The following HS6ST3 variants were observed in gnomAD, a reference collection of about 807,000 sequenced individuals.
HS6ST3 encodes the protein heparan sulfate 6-O-sulfotransferase 3.
HS6ST3 carries 12 observed loss-of-function variants against 36.7 expected under a neutral mutation model. The ratio of observed to expected loss-of-function variants is 0.33; its 90% confidence interval spans 0.21 to 0.53. The LOEUF (loss-of-function observed/expected upper bound fraction) is 0.53. Among genes scored for constraint, HS6ST3 ranks in the 20% least tolerant of loss-of-function variants. The probability of loss-of-function intolerance (pLI) is 0.95; values close to 1 mark genes in which losing one functional copy is unlikely to be tolerated. For synonymous variants in HS6ST3, 240 were observed against 257.5 expected (o/e 0.93, Z 0.65); for missense variants, 584 against 640.9 (o/e 0.91, Z 0.96).
At chr13:96,389,628 C>G (rs1009838600) in intron 1 of HS6ST3, among the ~76,000 whole-genome samples, 1 of 152,036 alleles carries the variant, frequency 6.6e-6, no homozygotes, top group Non-Finnish European at 1.5e-5. Flanking sequence ...TCTCCTCTAC[C>G]AAAAGGCACT....
At chr13:96,719,288 CA>C in intron 1 of HS6ST3, among the ~76,000 whole-genome samples, 1 of 150,452 alleles carries the variant, frequency 6.6e-6, no homozygotes, top group South Asian at 2.1e-4. Context: ...AAAAAAAAAC[CA>C]AAAAAAGAAT....
At chr13:96,703,602 C>G (rs1200754681) in intron 1 of HS6ST3, among the ~76,000 whole-genome samples, 1 of 151,924 alleles carries the variant, frequency 6.6e-6, no homozygotes, top group Non-Finnish European at 1.5e-5. Flanking sequence ...TACAATTGCT[C>G]CATTATGTTC....
At chr13:96,503,519 G>T (rs1175373843) in intron 1 of HS6ST3, among the ~76,000 whole-genome samples, 1 of 152,152 alleles carries the variant, frequency 6.6e-6, no homozygotes, top group Non-Finnish European at 1.5e-5. Context: ...AACAGCTCTT[G>T]GAGGCAGTGG....
intron 1 of HS6ST3, among the ~76,000 whole-genome samples, chr13:96,110,536 A>G (rs1566884207): frequency 6.7e-6 from 1 of 150,362 alleles, no homozygotes; most frequent in African/African-American, 2.5e-5. Flanking sequence ...TCCCAGGTTC[A>G]CACCATTCTC....
At chr13:96,485,390 C>T (rs985711357) in intron 1 of HS6ST3, among the ~76,000 whole-genome samples, 2 of 151,972 alleles carry the variant, frequency 1.3e-5, no homozygotes, top group African/African-American at 4.8e-5. Flanking sequence ...CCACTTGTTC[C>T]ATGCTGGTGT....
At chr13:96,566,846 A>G (rs1487359368) in intron 1 of HS6ST3, among the ~76,000 whole-genome samples, 1 of 152,210 alleles carries the variant, frequency 6.6e-6, no homozygotes, top group East Asian at 1.9e-4. Context: ...AAAAAATAAC[A>G]TTATAAACAT....
intron 1 of HS6ST3, among the ~76,000 whole-genome samples, chr13:96,623,691 A>G (rs1156961728): frequency 6.6e-6 from 1 of 152,084 alleles, no homozygotes; most frequent in Non-Finnish European, 1.5e-5. Context: ...GGAAAAGCTG[A>G]TTGTTAAACC....
chr13:96,116,341 A>G (rs2053894087), intron 1 of HS6ST3, among the ~76,000 whole-genome samples: 2 of 152,122 alleles, frequency 1.3e-5, no homozygotes, highest in Non-Finnish European at 2.9e-5. Flanking sequence ...TGGATTGCCA[A>G]TCAGCTATAG....
intron 1 of HS6ST3, among the ~76,000 whole-genome samples, chr13:96,252,787 C>T (rs1353231261): frequency 1.3e-5 from 2 of 151,914 alleles, no homozygotes; most frequent in Non-Finnish European, 2.9e-5. Context: ...TGAGTTTTTG[C>T]AAGATCTGGT....
chr13:96,191,627 A>G lies in HS6ST3; in HGVS notation c.707+100058A>G, dbSNP rs1057032369. 6.6e-5 allele frequency among the ~76,000 whole-genome samples: 10 copies of G among 152,072 alleles called. No homozygotes were observed. In the South Asian group the frequency reaches 2.1e-3, roughly 32 times the overall value. ...TTCCTTCCTATTTTAACATCACTCC[A>G]TATTTTACTTATCTGTCTTTCCCAT... On this transcript the variant is annotated intron_variant, in intron 1 of 1. Coordinates refer to ENST00000376705, the MANE Select transcript of HS6ST3 (RefSeq NM_153456.4).
intron 1 of HS6ST3, among the ~76,000 whole-genome samples, chr13:96,464,145 A>AAAAAAAAAAAAAAAAAAT: frequency 6.8e-6 from 1 of 146,926 alleles, no homozygotes; most frequent in African/African-American, 2.5e-5. Flanking sequence ...CCTCAAAAAA[A>AAAAAAAAAAAAAAAAAAT]AAAAAAAAAA....
intron 1 of HS6ST3, among the ~76,000 whole-genome samples, chr13:96,209,640 C>T (rs936075384): frequency 6.6e-6 from 1 of 152,196 alleles, no homozygotes. Flanking sequence ...ATGTGGTGAC[C>T]CCTGCCACCT....
intron 1 of HS6ST3, among the ~76,000 whole-genome samples, chr13:96,615,818 GA>G (rs2056472534): frequency 6.6e-6 from 1 of 152,164 alleles, no homozygotes; most frequent in Admixed American, 6.5e-5. Flanking sequence ...ACCAAAAGCT[GA>G]TTTCATATCC....
intron 1 of HS6ST3, among the ~76,000 whole-genome samples, chr13:96,096,422 G>T (rs1305859233): frequency 6.6e-6 from 1 of 152,162 alleles, no homozygotes; most frequent in Non-Finnish European, 1.5e-5. Context: ...TTGGGGAAAG[G>T]GTTAGCCTGG....
chr13:96,133,661 G>GAA (rs1440503069), intron 1 of HS6ST3, among the ~76,000 whole-genome samples: 1 of 152,134 alleles, frequency 6.6e-6, no homozygotes, highest in Non-Finnish European at 1.5e-5. Context: ...GACCTCAGGT[G>GAA]ATTTGCCCGC....
intron 1 of HS6ST3, among the ~76,000 whole-genome samples, chr13:96,466,775 A>T (rs2892825): frequency 6.6e-6 from 1 of 151,970 alleles, no homozygotes. Flanking sequence ...ATGCAATTCT[A>T]TGTCAATTAT....
chr13:96,439,759 G>T (rs1332367831), intron 1 of HS6ST3, among the ~76,000 whole-genome samples: 1 of 152,214 alleles, frequency 6.6e-6, no homozygotes, highest in East Asian at 1.9e-4. Context: ...CATGTCTAGA[G>T]GCTAGGGTTG....
At chr13:96,669,260 G>A (rs1232060522) in intron 1 of HS6ST3, among the ~76,000 whole-genome samples, 1 of 152,148 alleles carries the variant, frequency 6.6e-6, no homozygotes, top group Non-Finnish European at 1.5e-5. Flanking sequence ...AATGTTACAT[G>A]TTTACTGCAC....
intron 1 of HS6ST3, among the ~76,000 whole-genome samples, chr13:96,143,759 C>G (rs2139318915): frequency 6.6e-6 from 1 of 152,210 alleles, no homozygotes; most frequent in African/African-American, 2.4e-5. Context: ...GTAGATAATT[C>G]AGGCCCTCTG....
Sources: gnomAD v4.1 joint callset for allele counts (sites outside exome capture counted in the v4.1 genomes callset) on GRCh38, gnomAD v4.1.1 for gene constraint, MANE v1.5 for transcripts, NCBI Gene and HGNC (gene_info 2026-07-23, HGNC 2026-07-21) for gene names.